COG1: variants seen among roughly 807,000 people sequenced by gnomAD.
COG1 encodes the protein component of oligomeric golgi complex 1.
A neutral mutation model predicts 102.2 loss-of-function variants in COG1; 61 were observed. That is an observed-to-expected ratio of 0.60 (90% CI 0.49 to 0.74). The LOEUF is 0.74. COG1 is among the 30% of genes least tolerant of loss of function. COG1 has a pLI of 0.00. For missense variants in COG1, 1,164 were observed against 1,232.1 expected, an observed-to-expected ratio of 0.94 and a Z score of 0.83; for synonymous variants, 454 against 493.6, an observed-to-expected ratio of 0.92 and a Z score of 1.06.
At chr17:73,193,901 C>T (rs1460542047) in intron 1 of COG1, among the ~76,000 whole-genome samples, 2 of 152,054 alleles carry the variant, frequency 1.3e-5, no homozygotes, top group African/African-American at 4.8e-5. Flanking sequence ...CTATCAAGCC[C>T]TTAACTTTAT....
At chr17:73,195,791 C>T (rs576282361) in intron 1 of COG1, among the ~76,000 whole-genome samples, 59 of 152,200 alleles carry the variant, frequency 3.9e-4, no homozygotes, top group Middle Eastern at 3.4e-3. Flanking sequence ...CACGCACCTG[C>T]GATCCCAGCT....
At chr17:73,199,367 C>T (rs559202111) in intron 4 of COG1, among the ~76,000 whole-genome samples, 2 of 152,260 alleles carry the variant, frequency 1.3e-5, no homozygotes, top group Middle Eastern at 6.8e-3. Context: ...CTTCTTTCTA[C>T]TCTTTTGATC....
intron 1 of COG1, among the ~76,000 whole-genome samples, chr17:73,193,667 C>T (rs1256829124): frequency 1.3e-5 from 2 of 152,102 alleles, no homozygotes; most frequent in African/African-American, 4.8e-5. Context: ...TCACTGGGCT[C>T]CTTTCAATTT....
intron 1 of COG1, among the ~76,000 whole-genome samples, chr17:73,194,772 A>T (rs1046437294): frequency 3.3e-5 from 5 of 152,182 alleles, no homozygotes; most frequent in African/African-American, 1.2e-4. Context: ...GGCCCCTTAA[A>T]GAATATAGAC....
chr17:73,199,683 T>TA, intron 4 of COG1, among the ~76,000 whole-genome samples, 182 bp from the exon 5 acceptor site: 1 of 152,160 alleles, frequency 6.6e-6, no homozygotes. Context: ...CAAATGATCC[T>TA]CCTACCTCAG....
chr17:73,196,699 C>G lies in COG1; in HGVS notation c.508C>G (p.Leu170Val). The G allele has an allele frequency of 6.2e-7, 1 of 1,614,174 alleles. No individual in the cohort carries two copies. Among genetic ancestry groups the G allele is most frequent in the Non-Finnish European group, 8.5e-7 (1 of 1,180,026 alleles). ...DSSSSRYSPVLSRFPILIRQV... is the reference protein window; with the variant it reads ...DSSSSRYSPVVSRFPILIRQV... ...TTCTAGTTCCCGATACAGTCCCGTC[C>G]TCTCCCGGTTTCCTATACTCATCCG... Residue 170 changes from leucine to valine, a missense_variant, in exon 2 of 14, where the codon CTC (leucine) becomes GTC (valine). By Grantham distance (32) the Leu-to-Val change is conservative. Coordinates refer to ENST00000299886, the MANE Select transcript of COG1 (RefSeq NM_018714.3).
At position 73,193,195 on chromosome 17, in the gene COG1, G is replaced by C; in HGVS notation, c.126G>C (p.Glu42Asp). The stretch of plus-strand genomic sequence containing the variant: ...AGCGCCAGGTTCGGGCCGAGATCGA[G>C]CACAAGAAGGAGGAGCTGCGGCAGA... ...GLERQVRAEI[E>D]HKKEELRQMV... The change falls in exon 1 of 14, where the codon GAG (glutamate) becomes GAC (aspartate). Residue 42 changes from glutamate to aspartate, a missense_variant. Glu to Asp is a conservative substitution (Grantham distance 45). Transcript: ENST00000299886. The C allele has an allele frequency of 6.2e-7, 1 of 1,608,376 alleles. No individual in the cohort carries two copies. The highest frequency in any genetic ancestry group is 8.5e-7 in the Non-Finnish European group (1 of 1,177,914).
At chr17:73,196,375 C>A in intron 1 of COG1, 132 bp from the exon 2 acceptor site, 1 of 1,326,168 alleles carries the variant, frequency 7.5e-7, no homozygotes, top group Non-Finnish European at 1.1e-6. Context: ...TGATGACTTG[C>A]TGAGTTGTAC....
At chr17:73,195,485 A>C (rs1390158647) in intron 1 of COG1, among the ~76,000 whole-genome samples, 2 of 152,102 alleles carry the variant, frequency 1.3e-5, no homozygotes, top group African/African-American at 4.8e-5. Context: ...ATGGTGGCAC[A>C]TGCCTGTGGT....
At chr17:73,201,072 G>C (rs1599326803) in intron 6 of COG1, 37 bp from the exon 7 acceptor site, 7 of 1,583,936 alleles carry the variant, frequency 4.4e-6, no homozygotes, top group Non-Finnish European at 6.1e-6. Context: ...GTCCTTAAAG[G>C]AACTGTGATT....
intron 4 of COG1, 95 bp from the exon 5 acceptor site, chr17:73,199,770 C>T: frequency 6.9e-7 from 1 of 1,454,266 alleles, no homozygotes; most frequent in African/African-American, 1.4e-5. Flanking sequence ...GGTGAGGTTT[C>T]ACTGTGTTGC....
At position 73,200,036 on chromosome 17, in the gene COG1, A is replaced by C; in HGVS notation, c.1070+15A>C. ...TGGATCCACATGTAAGTAACCAGAAAGAGCTTCCCTGCAGCTGGCAGGAGC... is the reference window on the plus strand; with the variant it reads ...TGGATCCACATGTAAGTAACCAGAACGAGCTTCCCTGCAGCTGGCAGGAGC... On this transcript the variant is annotated intron_variant, in intron 5 of 13. Coordinates refer to ENST00000299886, the MANE Select transcript of COG1 (RefSeq NM_018714.3). 1 of 1,606,968 alleles carries C rather than the reference A, an allele frequency of 6.2e-7. No individual in the cohort carries two copies. Among genetic ancestry groups the C allele is most frequent in the Non-Finnish European group, 8.5e-7 (1 of 1,176,276 alleles).
Position 73,200,088 on chromosome 17 carries a change from T to C in COG1, c.1070+67T>C, listed in dbSNP as rs900365850. ...ACCCATGCAGCCTTGTACGGGGCAT[T>C]ACAAGGGTCAGCGAGGCATGTGCAG... On this transcript the variant is annotated intron_variant, in intron 5 of 13. Transcript: ENST00000299886. 72 of 1,544,420 alleles carry C rather than the reference T, an allele frequency of 4.7e-5. 1 individual carries two copies. In the African/African-American group the frequency reaches 9.2e-4, roughly 20 times the overall value.
At position 73,196,551 on chromosome 17, in the gene COG1, G is replaced by A; in HGVS notation, c.360G>A (p.Gln120=). 6.2e-7 allele frequency: 1 copy of A among 1,614,222 alleles called. No individual in the cohort carries two copies. Among genetic ancestry groups the A allele is most frequent in the Non-Finnish European group, 8.5e-7 (1 of 1,180,050 alleles). ...SQEKFYSMAA[Q]IKLLLEIPEK... is the part of the protein sequence containing the mutation. ...AGAAGTTCTACAGCATGGCTGCCCA[G>A]ATCAAGCTACTCTTAGAAATTCCGG... Residue 120 remains glutamine (Q), a synonymous_variant, in exon 2 of 14, where the codon CAG becomes CAA. Coordinates refer to ENST00000299886, the MANE Select transcript of COG1 (RefSeq NM_018714.3).
chr17:73,207,123 C>CTGCTGGGCCCCAGAGCTGCCTGTTTG, intron 12 of COG1, 58 bp from the exon 13 acceptor site: 1 of 1,140,626 alleles, frequency 8.8e-7, no homozygotes, highest in Non-Finnish European at 1.3e-6. Flanking sequence ...AATGAGGCTT[C>CTGCTGGGCCCCAGAGCTGCCTGTTTG]TGCTGGGCCC....
At chr17:73,206,395 A>C in intron 11 of COG1, 133 bp downstream of exon 11, 1 of 783,514 alleles carries the variant, frequency 1.3e-6, no homozygotes, top group Admixed American at 2.0e-5. Context: ...AGCCGAGTGT[A>C]GTTATAAGGA....
At chr17:73,206,893 C>G in intron 12 of COG1, 76 bp downstream of exon 12, 2 of 1,050,158 alleles carry the variant, frequency 1.9e-6, no homozygotes, top group East Asian at 4.8e-5. Context: ...AGATCGAGAC[C>G]ATCCTGGCTA....
intron 1 of COG1, among the ~76,000 whole-genome samples, chr17:73,194,917 G>C (rs537860868): frequency 6.6e-6 from 1 of 152,370 alleles, no homozygotes; most frequent in South Asian, 2.1e-4. Context: ...TTTGGAACTT[G>C]TTCATGCTAT....
chr17:73,206,629 G>GTGAC, intron 11 of COG1, 79 bp from the exon 12 acceptor site: 1 of 917,314 alleles, frequency 1.1e-6, no homozygotes, highest in Non-Finnish European at 1.8e-6. Flanking sequence ...GTAGCGATGG[G>GTGAC]TGACTAACCT....
Sources: gnomAD v4.1 joint callset for allele counts (sites outside exome capture counted in the v4.1 genomes callset) on GRCh38, gnomAD v4.1.1 for gene constraint, MANE v1.5 for transcripts, NCBI Gene and HGNC (gene_info 2026-07-23, HGNC 2026-07-21) for gene names.